Variants in CLASP1 observed in about 807,000 individuals in gnomAD.
CLASP1 encodes CLIP-associating protein 1.
In CLASP1, 38 loss-of-function variants were observed where a neutral mutation model predicts 192.3. That is an observed-to-expected ratio of 0.20 (90% CI 0.15 to 0.26). The LOEUF (loss-of-function observed/expected upper bound fraction) is 0.26, where lower values mean the gene tolerates loss of function less well. Ranked by LOEUF, CLASP1 falls within the 10% of genes least tolerant of loss-of-function variation. CLASP1 has a pLI of 1.00. For synonymous variants in CLASP1, 691 were observed against 712.8 expected, an observed-to-expected ratio of 0.97 and a Z score of 0.49; for missense variants, 1,433 against 1,932.5, an observed-to-expected ratio of 0.74 and a Z score of 4.85.
intron 34 of CLASP1, among the ~76,000 whole-genome samples, chr2:121,374,636 C>T (rs780147390): frequency 3.0e-4 from 45 of 152,314 alleles, no homozygotes; most frequent in Non-Finnish European, 5.6e-4. Flanking sequence ...CTGCCCAAGG[C>T]CTTGGGAGCC....
At chr2:121,497,769 G>A (rs981833947) in intron 8 of CLASP1, among the ~76,000 whole-genome samples, 7 of 152,034 alleles carry the variant, frequency 4.6e-5, no homozygotes, top group Admixed American at 2.6e-4. Flanking sequence ...ACCCAGGCTG[G>A]AGTGCAGTGA....
At chr2:121,517,982 GAGTTCAGGCAAGTTCA>G (rs1559496216) in intron 6 of CLASP1, among the ~76,000 whole-genome samples, 1 of 146,486 alleles carries the variant, frequency 6.8e-6, no homozygotes, top group Non-Finnish European at 1.5e-5. Flanking sequence ...TCAGGAGTTC[GAGTTCAGGCAAGTTCA>G]AGTTCAGGCG....
chr2:121,425,248 A>G lies in CLASP1; in HGVS notation c.2103T>C (p.Thr701=), dbSNP rs768496049. ...CAGGTGGGCCTCGTGAGGAGCCCCC[A>G]GTAAGTCCACCATAACCACTTCCCA... is the stretch of plus-strand genomic sequence containing the variant. The change falls in exon 22 of 40, where the codon ACT becomes ACC. Residue 701 remains threonine, a synonymous_variant. Transcript: ENST00000263710. 9 of 1,613,424 alleles carry G rather than the reference A, an allele frequency of 5.6e-6. No individual in the cohort carries two copies. In the South Asian group the frequency reaches 6.6e-5, roughly 12 times the overall value.
intron 28 of CLASP1, among the ~76,000 whole-genome samples, chr2:121,398,936 G>C (rs936292218): frequency 3.3e-5 from 5 of 152,160 alleles, no homozygotes; most frequent in Non-Finnish European, 7.4e-5. Flanking sequence ...CAGAAGCCTG[G>C]GGTCCCAGAA....
intron 6 of CLASP1, among the ~76,000 whole-genome samples, chr2:121,516,961 T>C (rs576684665): frequency 3.9e-5 from 6 of 152,284 alleles, no homozygotes; most frequent in Admixed American, 3.3e-4. Context: ...GAGGCGGAGT[T>C]TGCAGTAAGC....
chr2:121,617,299 G>C (rs976190704), intron 1 of CLASP1, among the ~76,000 whole-genome samples: 1 of 152,126 alleles, frequency 6.6e-6, no homozygotes, highest in Admixed American at 6.6e-5. Flanking sequence ...CCAGTTGTCT[G>C]CTCCCAGGAA....
At chr2:121,636,953 G>A (rs1399592740) in intron 1 of CLASP1, among the ~76,000 whole-genome samples, 2 of 152,106 alleles carry the variant, frequency 1.3e-5, no homozygotes, top group African/African-American at 4.8e-5. Context: ...ATAGATCTAT[G>A]TTCAGCTTCA....
intron 20 of CLASP1, among the ~76,000 whole-genome samples, chr2:121,428,182 G>A (rs1325887027): frequency 6.6e-6 from 1 of 152,110 alleles, no homozygotes; most frequent in Non-Finnish European, 1.5e-5. Context: ...ATCACTATTA[G>A]AGAAAGAACT....
intron 22 of CLASP1, among the ~76,000 whole-genome samples, chr2:121,421,798 C>T (rs2079550982): frequency 6.6e-6 from 1 of 152,168 alleles, no homozygotes; most frequent in South Asian, 2.1e-4. Flanking sequence ...CCACCTCGGC[C>T]TCCCGAAGTG....
intron 23 of CLASP1, among the ~76,000 whole-genome samples, chr2:121,412,738 A>C (rs1328209013): frequency 6.6e-6 from 1 of 152,230 alleles, no homozygotes; most frequent in Non-Finnish European, 1.5e-5. Context: ...CAGAGTGACT[A>C]TAGATCATTT....
intron 13 of CLASP1, among the ~76,000 whole-genome samples, chr2:121,458,493 G>T (rs1017844662): frequency 1.3e-5 from 2 of 152,162 alleles, no homozygotes; most frequent in Non-Finnish European, 2.9e-5. Context: ...AAAACGGAAG[G>T]ACTGGGACTA....
chr2:121,524,990 G>A (rs181552160), intron 6 of CLASP1, among the ~76,000 whole-genome samples: 532 of 152,262 alleles, frequency 3.5e-3, no homozygotes, highest in Non-Finnish European at 5.9e-3. Flanking sequence ...GGCCAGGGGA[G>A]GTCGGGTAGA....
exon 23 of CLASP1, chr2:121,418,651 G>T: frequency 1.2e-6 from 2 of 1,613,814 alleles, no homozygotes; most frequent in South Asian, 1.1e-5. Flanking sequence ...AGCAGGGCTT[G>T]TATCTCGGCT....
chr2:121,552,922 A>G (rs1298179109), intron 2 of CLASP1, among the ~76,000 whole-genome samples: 1 of 152,260 alleles, frequency 6.6e-6, no homozygotes, highest in South Asian at 2.1e-4. Context: ...TCACAATAGC[A>G]AAGACATGGA....
intron 8 of CLASP1, among the ~76,000 whole-genome samples, chr2:121,483,975 C>G (rs1372116694): frequency 6.6e-6 from 1 of 152,110 alleles, no homozygotes; most frequent in East Asian, 1.9e-4. Context: ...AGAGAATTAT[C>G]CAGACATTCT....
intron 37 of CLASP1, among the ~76,000 whole-genome samples, chr2:121,355,309 A>G (rs1327917158): frequency 6.6e-6 from 1 of 152,062 alleles, no homozygotes; most frequent in Non-Finnish European, 1.5e-5. Context: ...TTGTATTTTT[A>G]GTAGAGACAG....
intron 1 of CLASP1, among the ~76,000 whole-genome samples, chr2:121,612,515 G>C (rs34330029): frequency 0.22 from 33,772 of 151,548 alleles, 5,516 homozygotes; most frequent in African/African-American, 0.46. Context: ...AGGAGGAGTT[G>C]AGGGAGTTGG....
At chr2:121,602,518 G>T (rs2063913422) in intron 2 of CLASP1, among the ~76,000 whole-genome samples, 1 of 152,102 alleles carries the variant, frequency 6.6e-6, no homozygotes, top group Admixed American at 6.5e-5. Flanking sequence ...TGAGCAAAAA[G>T]AACAAAGCTA....
chr2:121,544,907 C>CTTTT (rs3078562), intron 2 of CLASP1, among the ~76,000 whole-genome samples: 48 of 122,880 alleles, frequency 3.9e-4, no homozygotes, highest in South Asian at 7.5e-4. Flanking sequence ...CTTTTCTTTT[C>CTTTT]TTTTTTTTTT....
Sources: allele counts gnomAD v4.1 joint callset (sites outside exome capture counted in the v4.1 genomes callset), GRCh38; gene constraint gnomAD v4.1.1; transcripts MANE v1.5; gene names NCBI Gene and HGNC (gene_info 2026-07-23, HGNC 2026-07-21).